The following TUT7 variants were observed in gnomAD, a reference collection of about 807,000 sequenced individuals.
TUT7 encodes terminal uridylyltransferase 7.
A neutral mutation model predicts 165.9 loss-of-function variants in TUT7; 33 were observed. The ratio of observed to expected loss-of-function variants is 0.20; its 90% CI spans 0.15 to 0.27. TUT7 has a LOEUF of 0.27. Among genes scored for constraint, TUT7 ranks in the 10% least tolerant of loss-of-function variants. The pLI is 1.00. For synonymous variants in TUT7, 552 were observed against 608.1 expected, an observed-to-expected ratio of 0.91 and a Z score of 1.36; for missense variants, 1,338 against 1,762.3, an observed-to-expected ratio of 0.76 and a Z score of 4.31.
intron 10 of TUT7, among the ~76,000 whole-genome samples, chr9:86,334,352 A>G (rs1420531787): frequency 6.6e-6 from 1 of 152,188 alleles, no homozygotes; most frequent in Non-Finnish European, 1.5e-5. Context: ...GGTATAACTC[A>G]CACAAAAGTC....
In TUT7 at chr9:86,328,439, T is replaced by G; in HGVS notation, c.1509A>C (p.Glu503Asp). The part of the protein sequence containing the change: ...KLGNFNLQDI[E>D]KDVVIWEHTD... Reference sequence around the variant, plus strand: ...TATGTTCCCAGATCACAACATCTTTTTCAATGTCTTGAAGGTTGAAATTCC... The same window carrying G: ...TATGTTCCCAGATCACAACATCTTTGTCAATGTCTTGAAGGTTGAAATTCC... Residue 503 changes from glutamate to aspartate, a missense_variant, in exon 11 of 27, where the codon GAA (glutamate) becomes GAC (aspartate). Physicochemically the swap from Glu to Asp is conservative, Grantham distance 45. Around this residue, in one of 7 missense-constraint regions of TUT7, gnomAD observed 74 missense variants for 128.5 expected, o/e 0.58. Coordinates refer to ENST00000375963, the MANE Select transcript of TUT7 (RefSeq NM_024617.4). 2 of 1,612,752 alleles carry G rather than the reference T, an allele frequency of 1.2e-6. No individual in the cohort carries two copies. The highest frequency in any genetic ancestry group is 1.7e-6 in the Non-Finnish European group (2 of 1,179,326).
chr9:86,347,818 A>C (rs2131605020), intron 2 of TUT7, among the ~76,000 whole-genome samples: 1 of 151,792 alleles, frequency 6.6e-6, no homozygotes, highest in Admixed American at 6.6e-5. Flanking sequence ...CCTTTTTAAT[A>C]CTCCCCCGAC....
In TUT7 at chr9:86,288,619, T is replaced by C. The variant is rs957099245; in HGVS notation, c.*58A>G. On this transcript the variant is annotated 3_prime_UTR_variant, in exon 27 of 27. Coordinates refer to ENST00000375963, the MANE Select transcript of TUT7 (RefSeq NM_024617.4). ...GCTGTGTCCTGTGAAATGAACCTAA[T>C]TTTCCGAGTGAATAGGAACGCCTGA... is the stretch of plus-strand genomic sequence containing the variant. 1 of 1,377,838 alleles carries C rather than the reference T, an allele frequency of 7.3e-7. No homozygotes were observed. Among genetic ancestry groups the C allele is most frequent in the African/African-American group, 1.4e-5 (1 of 70,116 alleles). 85.4% of individuals were successfully genotyped at this position (1,377,838 alleles called of 1,614,324 possible). A position where few individuals can be genotyped will look rare whatever the true frequency, so the allele number is the denominator to read the frequency against.
intron 2 of TUT7, among the ~76,000 whole-genome samples, chr9:86,349,166 C>T (rs1832049016): frequency 6.6e-6 from 1 of 151,814 alleles, no homozygotes; most frequent in African/African-American, 2.4e-5. Context: ...GTAATCCCAG[C>T]TACTCGGGAG....
chr9:86,310,067 T>G (rs2131351719), intron 18 of TUT7, 50 bp from the exon 19 acceptor site: 1 of 1,367,514 alleles, frequency 7.3e-7, no homozygotes, highest in Non-Finnish European at 9.7e-7. Context: ...GTGTAAAGGG[T>G]CTCTTTTTTT....
Position 86,319,548 on chromosome 9 carries a change from A to G in TUT7, c.3115+36T>C, listed in dbSNP as rs112680544. 4 of 1,409,444 alleles carry G rather than the reference A, an allele frequency of 2.8e-6. No homozygotes were observed. In the African/African-American group the frequency reaches 5.8e-5, roughly 20 times the overall value. The allele number at this position is 1,409,444 out of a possible 1,614,324, so 87.3% of individuals were successfully genotyped here. A position where few individuals can be genotyped will look rare whatever the true frequency, so the allele number is the denominator to read the frequency against. The stretch of plus-strand genomic sequence containing the variant: ...TGAACTGATTTGGAAAAAAGGTTAC[A>G]CTACTTTTCTTAAAAATAAAAAATA... On this transcript the variant is annotated intron_variant, in intron 15 of 26. Transcript: ENST00000375963.
rs559229757 is a variant in TUT7 at position 86,288,469 on chromosome 9, T to C, written c.*208A>G. 2 of 387,704 alleles carry C rather than the reference T, an allele frequency of 5.2e-6. No individual in the cohort carries two copies. Among genetic ancestry groups the C allele is most frequent in the African/African-American group, 4.0e-5 (2 of 49,532 alleles). The allele number at this position is 387,704 out of a possible 1,614,324, so 24.0% of individuals were successfully genotyped here. On this transcript the variant is annotated 3_prime_UTR_variant, in exon 27 of 27. Transcript: ENST00000375963. ...ACATCATGTCTTTCTATTAAAATCC[T>C]TAAATCTATGGGGATGTGTGGTAGA... is the stretch of plus-strand genomic sequence containing the variant.
chr9:86,302,483 G>A (rs1222592023), intron 25 of TUT7, among the ~76,000 whole-genome samples: 1 of 152,172 alleles, frequency 6.6e-6, no homozygotes, highest in Non-Finnish European at 1.5e-5. Context: ...TCTCACTACT[G>A]TAAAAAGGAA....
At chr9:86,333,342 T>C (rs1049747334) in intron 10 of TUT7, among the ~76,000 whole-genome samples, 2 of 152,210 alleles carry the variant, frequency 1.3e-5, no homozygotes, top group Non-Finnish European at 2.9e-5. Flanking sequence ...TGTTCTTTTT[T>C]CTTTCTCCTC....
chr9:86,301,714 A>G lies in TUT7; in HGVS notation c.4095-113T>C, dbSNP rs985350418. The G allele has an allele frequency of 1.1e-5, 16 of 1,493,592 alleles. No individual in the cohort carries two copies. In the African/African-American group the frequency reaches 1.1e-4, roughly 10 times the overall value. The allele number at this position is 1,493,592 out of a possible 1,614,324, so 92.5% of individuals were successfully genotyped here. A position where few individuals can be genotyped will look rare whatever the true frequency, so the allele number is the denominator to read the frequency against. On this transcript the variant is annotated intron_variant, in intron 25 of 26. Coordinates refer to ENST00000375963, the MANE Select transcript of TUT7 (RefSeq NM_024617.4). ...AGATTTAAGAGATGACCAGGAATAG[A>G]AAGTATTAAAAGGAAAAGCAAGAAC... is the stretch of plus-strand genomic sequence containing the variant.
rs144680999 is a variant in TUT7, at chr9:86,343,865, T to C, written c.998-702A>G. The stretch of plus-strand genomic sequence containing the variant: ...TCAGTGTTTTACTATGATGCCAAAA[T>C]AGTATCCTTTCTCATCAGGGGTTGG... On this transcript the variant is annotated intron_variant, in intron 5 of 26. Coordinates refer to ENST00000375963, the MANE Select transcript of TUT7 (RefSeq NM_024617.4). Among the ~76,000 whole-genome samples, 549 of 152,318 alleles carry C rather than the reference T, an allele frequency of 3.6e-3. 3 individuals carry two copies. Among genetic ancestry groups the C allele is most frequent in the African/African-American group, 0.013 (529 of 41,566 alleles).
intron 3 of TUT7, among the ~76,000 whole-genome samples, chr9:86,346,037 A>G (rs1831730099): frequency 6.6e-6 from 1 of 152,252 alleles, no homozygotes; most frequent in South Asian, 2.1e-4. Context: ...CAGGCATGCC[A>G]CTGTGCCTGG....
At chr9:86,339,208 G>T (rs1263200498) in intron 8 of TUT7, among the ~76,000 whole-genome samples, 2 of 152,030 alleles carry the variant, frequency 1.3e-5, no homozygotes, top group African/African-American at 2.4e-5. Flanking sequence ...TTTTTTGGGG[G>T]GAAATGCAAA....
intron 8 of TUT7, 60 bp from the exon 9 acceptor site, chr9:86,339,009 C>G: frequency 7.1e-7 from 1 of 1,399,740 alleles, no homozygotes; most frequent in Non-Finnish European, 9.4e-7. Context: ...TTACACAGGT[C>G]TCAAAGTGTC....
intron 26 of TUT7, among the ~76,000 whole-genome samples, chr9:86,300,881 G>C (rs1355372228): frequency 4.6e-5 from 7 of 152,200 alleles, no homozygotes; most frequent in Non-Finnish European, 1.0e-4. Flanking sequence ...TGTGCACAGA[G>C]CATGGTGTCC....
At chr9:86,346,596 A>G in intron 2 of TUT7, 116 bp from the exon 3 acceptor site, 1 of 1,068,360 alleles carries the variant, frequency 9.4e-7, no homozygotes, top group Non-Finnish European at 1.4e-6. Context: ...CTGCATGCAG[A>G]GCAGAAGGAA....
intron 17 of TUT7, among the ~76,000 whole-genome samples, chr9:86,314,485 A>G (rs1828526110): frequency 6.6e-6 from 1 of 152,218 alleles, no homozygotes; most frequent in African/African-American, 2.4e-5. Flanking sequence ...TTATATGCTC[A>G]TGGCAAACTA....
chr9:86,308,794 T>C (rs1257755492), intron 21 of TUT7, among the ~76,000 whole-genome samples, 188 bp from the exon 22 acceptor site: 1 of 152,150 alleles, frequency 6.6e-6, no homozygotes, highest in Non-Finnish European at 1.5e-5. Context: ...TGACTTGGAG[T>C]AGGAAGAGCT....
intron 5 of TUT7, 168 bp downstream of exon 5, chr9:86,344,809 C>A: frequency 1.6e-6 from 1 of 624,354 alleles, no homozygotes. Flanking sequence ...ATATGAAAGT[C>A]CTTGTTACCT....
Sources: allele counts gnomAD v4.1 joint callset (sites outside exome capture counted in the v4.1 genomes callset), GRCh38; gene constraint gnomAD v4.1.1; regional missense constraint gnomAD v4.1.1; transcripts MANE v1.5; gene names NCBI Gene and HGNC (gene_info 2026-07-23, HGNC 2026-07-21).